SMARCB1: variants seen among roughly 807,000 people sequenced by gnomAD.
The protein encoded by SMARCB1 is SWI/SNF related BAF chromatin remodeling complex subunit B1.
In SMARCB1, 5 loss-of-function variants were observed where a neutral mutation model predicts 49.0. That is an observed-to-expected ratio of 0.10 (90% confidence interval 0.05 to 0.21). The LOEUF (loss-of-function observed/expected upper bound fraction) is 0.21, where lower values mean the gene tolerates loss of function less well. SMARCB1 is among the 10% of genes least tolerant of loss of function. The pLI, the probability that SMARCB1 is intolerant of heterozygous loss-of-function variation, is 1.00. For missense variants in SMARCB1, 226 were observed against 509.2 expected, an observed-to-expected ratio of 0.44 and a Z score of 5.35; for synonymous variants, 201 against 200.1, an observed-to-expected ratio of 1.00 and a Z score of -0.04.
At chr22:23,814,968 C>T (rs1930099174) in intron 5 of SMARCB1, 1 of 136,374 alleles carries the variant, frequency 7.3e-6, no homozygotes, top group Non-Finnish European at 1.6e-5. Context: ...AAAACTCCGT[C>T]TCAAAAAAAA....
chr22:23,797,849 C>T (rs572614687), intron 3 of SMARCB1, among the ~76,000 whole-genome samples: 217 of 149,862 alleles, frequency 1.4e-3, no homozygotes, highest in African/African-American at 5.1e-3. Context: ...GAACTCCTGA[C>T]CTCAGGTGAT....
intron 5 of SMARCB1, among the ~76,000 whole-genome samples, chr22:23,807,474 C>T (rs1366372951): frequency 1.3e-5 from 2 of 152,062 alleles, no homozygotes; most frequent in Admixed American, 1.3e-4. Flanking sequence ...ACTTGGGAGG[C>T]TGAGGTGGGA....
intron 5 of SMARCB1, among the ~76,000 whole-genome samples, chr22:23,809,034 C>T (rs188111864): frequency 0.048 from 7,127 of 149,810 alleles, 516 homozygotes; most frequent in African/African-American, 0.16. Context: ...GGGGTTTCAC[C>T]GTGTTAGCCA....
At chr22:23,805,373 C>T (rs2145986789) in intron 5 of SMARCB1, among the ~76,000 whole-genome samples, 1 of 152,344 alleles carries the variant, frequency 6.6e-6, no homozygotes, top group East Asian at 1.9e-4. Context: ...GCCACCAGTG[C>T]TGCACAATGC....
chr22:23,817,212 G>C (rs1009535443), intron 6 of SMARCB1: 10 of 550,518 alleles, frequency 1.8e-5, no homozygotes, highest in Admixed American at 3.1e-5. Context: ...AGGAGGTGAA[G>C]GCAGCTGATT....
chr22:23,836,855 G>A lies in SMARCB1; in HGVS notation c.*2675G>A. 1 of 1,455,134 alleles carries A rather than the reference G, an allele frequency of 6.9e-7. No homozygotes were observed. Among genetic ancestry groups the A allele is most frequent in the South Asian group, 1.5e-5 (1 of 66,910 alleles). The allele number at this position is 1,455,134 out of a possible 1,614,324, so 90.1% of individuals were successfully genotyped here. ...AGCTGCCAGAAGCCTCTTAGGCCTG[G>A]CCCTGGGTGGGGGTCACTGCTGCGG... On this transcript the variant is annotated 3_prime_UTR_variant, in exon 9 of 9. Coordinates refer to ENST00000644036, the MANE Select transcript of SMARCB1 (RefSeq NM_003073.5).
intron 5 of SMARCB1, chr22:23,803,867 GT>G: frequency 1.1e-5 from 3 of 273,568 alleles, no homozygotes; most frequent in South Asian, 4.1e-5. Context: ...TAAGTCCTGG[GT>G]CAGATGCCAT....
Position 23,816,760 on chromosome 22 carries a change from C to T in SMARCB1, c.629-10C>T, listed in dbSNP as rs1265298729. On this transcript the variant is annotated splice_polypyrimidine_tract_variant and intron_variant, in intron 5 of 8. Transcript: ENST00000644036. ...AATCTCTTGGCATCCCTTCCCTCTCCTGATTTCAGAGAAGTTGATGACGCC... is the reference window on the plus strand; with the variant it reads ...AATCTCTTGGCATCCCTTCCCTCTCTTGATTTCAGAGAAGTTGATGACGCC... 6.2e-7 allele frequency: 1 copy of T among 1,612,838 alleles called. No homozygotes were observed. Among genetic ancestry groups the T allele is most frequent in the Non-Finnish European group, 8.5e-7 (1 of 1,179,444 alleles).
At chr22:23,793,166 G>C (rs1928507294) in intron 2 of SMARCB1, 11 of 339,318 alleles carry the variant, frequency 3.2e-5, no homozygotes, top group South Asian at 2.8e-4. Flanking sequence ...GGTGGTGTCA[G>C]ACCTCTTCCC....
chr22:23,815,369 C>T lies in SMARCB1; in HGVS notation c.629-1401C>T, dbSNP rs191263130. On this transcript the variant is annotated intron_variant, in intron 5 of 8. Coordinates refer to ENST00000644036, the MANE Select transcript of SMARCB1 (RefSeq NM_003073.5). ...TTAACATGGTGAAACCCTGTCTCTT[C>T]TAAAAATACAAAAAATTAGCTGGGC... The T allele has an allele frequency of 9.7e-3, 1,470 of 152,216 alleles. 16 individuals are homozygous for T. The highest frequency in any genetic ancestry group is 0.025 in the South Asian group (120 of 4,820). 9.4% of individuals were successfully genotyped at this position (152,216 alleles called of 1,614,324 possible).
In SMARCB1 at chr22:23,834,462, A is replaced by C. The variant is rs1440371013; in HGVS notation, c.*282A>C. 3 of 690,064 alleles carry C rather than the reference A, an allele frequency of 4.3e-6. No individual in the cohort carries two copies. The highest frequency in any genetic ancestry group is 7.9e-6 in the Non-Finnish European group (3 of 378,558). The allele number at this position is 690,064 out of a possible 1,614,324, so 42.7% of individuals were successfully genotyped here. On this transcript the variant is annotated 3_prime_UTR_variant, in exon 9 of 9. Coordinates refer to ENST00000644036, the MANE Select transcript of SMARCB1 (RefSeq NM_003073.5). Reference sequence around the variant, plus strand: ...TTGTTTTTGTATAGGAGCCCCAGGCAGGGCTAGTAACAGTTTTTAAATAAA... The same window carrying C: ...TTGTTTTTGTATAGGAGCCCCAGGCCGGGCTAGTAACAGTTTTTAAATAAA...
rs2030891272 is a variant in SMARCB1, at chr22:23,834,647, G to C, written c.*467G>C. ...ACAGGCCTCACCCTCCTCTGCCTCA[G>C]ATTCCCAAGTGGGCAGGTGGGGGTG... On this transcript the variant is annotated 3_prime_UTR_variant, in exon 9 of 9. Coordinates refer to ENST00000644036, the MANE Select transcript of SMARCB1 (RefSeq NM_003073.5). 3.3e-6 allele frequency: 3 copies of C among 910,416 alleles called. No individual in the cohort carries two copies. The highest frequency in any genetic ancestry group is 1.7e-5 in the African/African-American group (1 of 60,196). 56.4% of individuals were successfully genotyped at this position (910,416 alleles called of 1,614,324 possible). A position where few individuals can be genotyped will look rare whatever the true frequency, so the allele number is the denominator to read the frequency against.
rs969073294 is a variant in SMARCB1, at chr22:23,835,828, G to A, written c.*1648G>A. ...TGCCTCACCCCACAGGTCGGGCAGGGCCACCTGGCTGGGAGGTGCCGGGAA... is the reference window on the plus strand; with the variant it reads ...TGCCTCACCCCACAGGTCGGGCAGGACCACCTGGCTGGGAGGTGCCGGGAA... On this transcript the variant is annotated 3_prime_UTR_variant, in exon 9 of 9. Transcript: ENST00000644036. 5 of 985,270 alleles carry A rather than the reference G, an allele frequency of 5.1e-6. No individual in the cohort carries two copies. The African/African-American group carries it at 7.0e-5, about 14-fold the overall frequency. 61.0% of individuals were successfully genotyped at this position (985,270 alleles called of 1,614,324 possible). A position where few individuals can be genotyped will look rare whatever the true frequency, so the allele number is the denominator to read the frequency against.
At chr22:23,816,741 T>A in intron 5 of SMARCB1, 29 bp from the exon 6 acceptor site, 1 of 1,607,236 alleles carries the variant, frequency 6.2e-7, no homozygotes, top group East Asian at 2.2e-5. Context: ...GTGCAATCTC[T>A]TGGCATCCCT....
intron 7 of SMARCB1, 37 bp from the exon 8 acceptor site, chr22:23,833,535 G>T: frequency 6.2e-7 from 1 of 1,614,048 alleles, no homozygotes; most frequent in Non-Finnish European, 8.5e-7. Flanking sequence ...TCTATAGCTG[G>T]AAAAGTCATT....
intron 7 of SMARCB1, among the ~76,000 whole-genome samples, chr22:23,831,711 A>G (rs530445683): frequency 3.2e-4 from 49 of 152,348 alleles, no homozygotes; most frequent in Non-Finnish European, 6.2e-4. Context: ...TTTAAGAGGA[A>G]AACATGTTTT....
Position 23,837,118 on chromosome 22 carries a change from T to G in SMARCB1, c.*2938T>G. On this transcript the variant is annotated 3_prime_UTR_variant, in exon 9 of 9. Transcript: ENST00000644036. ...GCCTCCAGGCTGGTTGGGGAAGACG[T>G]CCTCCAGGAAGTAGTAGATATGGCC... 1 of 1,613,762 alleles carries G rather than the reference T, an allele frequency of 6.2e-7. No individual in the cohort carries two copies. The highest frequency in any genetic ancestry group is 8.5e-7 in the Non-Finnish European group (1 of 1,179,880).
At position 23,837,775 on chromosome 22, in the gene SMARCB1, C is replaced by A; in HGVS notation, c.*3595C>A. On this transcript the variant is annotated 3_prime_UTR_variant, in exon 9 of 9. Coordinates refer to ENST00000644036, the MANE Select transcript of SMARCB1 (RefSeq NM_003073.5). The stretch of plus-strand genomic sequence containing the variant: ...GAAGAAGTTGACCCTCACCCGAGGG[C>A]TGCGGCGGCTCCACACGTACACCAG... 1 of 1,613,968 alleles carries A rather than the reference C, an allele frequency of 6.2e-7. No homozygotes were observed. The highest frequency in any genetic ancestry group is 8.5e-7 in the Non-Finnish European group (1 of 1,180,018).
intron 3 of SMARCB1, among the ~76,000 whole-genome samples, chr22:23,796,523 G>A (rs561467612): frequency 6.6e-6 from 1 of 152,348 alleles, no homozygotes; most frequent in African/African-American, 2.4e-5. Context: ...TCAGAGTGAT[G>A]TGGTTATGGA....
Sources: allele counts gnomAD v4.1 joint callset (sites outside exome capture counted in the v4.1 genomes callset), GRCh38; gene constraint gnomAD v4.1.1; transcripts MANE v1.5; gene names NCBI Gene and HGNC (gene_info 2026-07-23, HGNC 2026-07-21).